MYT1L: variants seen among roughly 807,000 people sequenced by gnomAD.
MYT1L encodes the protein myelin transcription factor 1 like, also known as myelin transcription factor 1-like protein.
MYT1L carries 12 observed loss-of-function variants against 126.7 expected under a neutral mutation model. The ratio of observed to expected loss-of-function variants is 0.09; its 90% CI spans 0.06 to 0.15. The LOEUF is 0.15. MYT1L is among the 10% of genes least tolerant of loss of function. The pLI is 1.00. For missense variants in MYT1L, 979 were observed against 1,585.2 expected (o/e 0.62, Z 6.49); for synonymous variants, 541 against 604.2 (o/e 0.90, Z 1.53).
chr2:2,018,559 G>A (rs946233228), intron 4 of MYT1L, among the ~76,000 whole-genome samples: 12 of 152,322 alleles, frequency 7.9e-5, no homozygotes, highest in African/African-American at 2.6e-4. Flanking sequence ...ATTGAGGCCC[G>A]GCCAGGCCGC....
At chr2:1,797,256 T>G (rs780297586) in intron 23 of MYT1L, among the ~76,000 whole-genome samples, 33 of 152,148 alleles carry the variant, frequency 2.2e-4, no homozygotes, top group Non-Finnish European at 4.6e-4. Flanking sequence ...GTGTCCGGAC[T>G]TCTTTTTTTT....
chr2:2,107,555 T>C (rs1575204916), intron 3 of MYT1L, among the ~76,000 whole-genome samples: 1 of 152,282 alleles, frequency 6.6e-6, no homozygotes, highest in East Asian at 1.9e-4. Flanking sequence ...TCCCGAAAGG[T>C]AGGAGCTAAT....
intron 23 of MYT1L, among the ~76,000 whole-genome samples, chr2:1,800,596 T>C (rs922570185): frequency 1.3e-5 from 2 of 152,150 alleles, no homozygotes; most frequent in African/African-American, 4.8e-5. Flanking sequence ...GGGAAAACTG[T>C]GTCCAGTGGG....
chr2:2,101,881 T>C (rs2078138308), intron 3 of MYT1L, among the ~76,000 whole-genome samples: 1 of 152,256 alleles, frequency 6.6e-6, no homozygotes. Flanking sequence ...CGGCTATTAC[T>C]GTTTTACCTT....
intron 2 of MYT1L, among the ~76,000 whole-genome samples, chr2:2,186,721 A>G (rs2092237429): frequency 6.6e-6 from 1 of 152,256 alleles, no homozygotes; most frequent in Non-Finnish European, 1.5e-5. Flanking sequence ...GCATCGCAGA[A>G]TCAAAAATCT....
chr2:2,103,088 A>C (rs1392320194), intron 3 of MYT1L, among the ~76,000 whole-genome samples: 2 of 152,098 alleles, frequency 1.3e-5, no homozygotes, highest in African/African-American at 2.4e-5. Flanking sequence ...GAGGAGGTTG[A>C]GAAAATTCCT....
At chr2:2,204,158 C>T (rs575735917) in intron 2 of MYT1L, among the ~76,000 whole-genome samples, 18 of 152,266 alleles carry the variant, frequency 1.2e-4, no homozygotes, top group African/African-American at 4.3e-4. Context: ...CATAAAAACC[C>T]TAGAAGAAAA....
chr2:2,136,399 A>G (rs977327472), intron 3 of MYT1L, among the ~76,000 whole-genome samples: 1 of 152,172 alleles, frequency 6.6e-6, no homozygotes, highest in Non-Finnish European at 1.5e-5. Flanking sequence ...AAACTGTTAA[A>G]TTCTTCAAAC....
At chr2:2,216,379 A>G (rs2093676927) in intron 2 of MYT1L, among the ~76,000 whole-genome samples, 1 of 152,180 alleles carries the variant, frequency 6.6e-6, no homozygotes, top group African/African-American at 2.4e-5. Context: ...ACCCCCAAAT[A>G]TTTGGAAATT....
At chr2:1,799,750 C>T (rs2034483131) in intron 23 of MYT1L, among the ~76,000 whole-genome samples, 1 of 152,178 alleles carries the variant, frequency 6.6e-6, no homozygotes, top group African/African-American at 2.4e-5. Flanking sequence ...GTGTCCCCAC[C>T]CAAATCTCAC....
intron 18 of MYT1L, among the ~76,000 whole-genome samples, chr2:1,882,084 C>T (rs982106228): frequency 1.3e-5 from 2 of 152,188 alleles, no homozygotes; most frequent in African/African-American, 2.4e-5. Context: ...ACCCCTTCCC[C>T]GCTTTCCTCA....
At position 1,922,386 on chromosome 2, in the gene MYT1L, A is replaced by G; in HGVS notation, c.1383T>C (p.Asn461=). The change falls in exon 10 of 25, where the codon AAT becomes AAC. Residue 461 remains asparagine, a synonymous_variant. Transcript: ENST00000647738. The surrounding 1 kb of genome is among the most constrained non-coding windows in gnomAD (Gnocchi z 7.4). ...KMAMEAGRRD[N]MRSYEDQSPR... is the part of the protein sequence containing the mutation. ...GAGACTGGTCCTCATATGACCTCAT[A>G]TTGTCCCTCCTCCCAGCTTCCATGG... 6.2e-7 allele frequency: 1 copy of G among 1,613,744 alleles called. No individual in the cohort carries two copies. Among genetic ancestry groups the G allele is most frequent in the Non-Finnish European group, 8.5e-7 (1 of 1,179,854 alleles).
intron 18 of MYT1L, among the ~76,000 whole-genome samples, chr2:1,859,660 A>C (rs2044326764): frequency 6.6e-6 from 1 of 152,192 alleles, no homozygotes; most frequent in Non-Finnish European, 1.5e-5. Context: ...AGATGGTATC[A>C]CCCGCTGACA....
chr2:1,911,964 A>C, intron 12 of MYT1L, 56 bp downstream of exon 12: 1 of 1,359,786 alleles, frequency 7.4e-7, no homozygotes, highest in South Asian at 1.5e-5. Flanking sequence ...AGGAAGGAGA[A>C]GGCATGGAGA....
intron 9 of MYT1L, among the ~76,000 whole-genome samples, chr2:1,924,379 G>T (rs1400772432): frequency 6.6e-6 from 1 of 152,108 alleles, no homozygotes; most frequent in Non-Finnish European, 1.5e-5. Context: ...TTGGTTAACT[G>T]CATGCCATTT....
intron 3 of MYT1L, among the ~76,000 whole-genome samples, chr2:2,098,042 T>G (rs929283336): frequency 6.6e-6 from 1 of 152,198 alleles, no homozygotes; most frequent in Non-Finnish European, 1.5e-5. Flanking sequence ...TCCACCATGA[T>G]TGGAAGCTTC....
chr2:1,893,593 A>G (rs2049196854), intron 14 of MYT1L, among the ~76,000 whole-genome samples: 2 of 152,176 alleles, frequency 1.3e-5, no homozygotes, highest in South Asian at 4.1e-4. Context: ...GTCTGTTGCT[A>G]CAAGGAAAGG....
intron 2 of MYT1L, among the ~76,000 whole-genome samples, chr2:2,272,465 A>C (rs565977864): frequency 9.8e-5 from 15 of 152,340 alleles, no homozygotes; most frequent in African/African-American, 3.1e-4. Context: ...TTTGCTTAAA[A>C]AAAGTAATGG....
At chr2:2,098,268 T>C (rs1176874512) in intron 3 of MYT1L, among the ~76,000 whole-genome samples, 1 of 152,192 alleles carries the variant, frequency 6.6e-6, no homozygotes, top group Admixed American at 6.5e-5. Context: ...TAAGTCAACT[T>C]AGTTTTCAGG....
Sources: allele counts gnomAD v4.1 joint callset (sites outside exome capture counted in the v4.1 genomes callset), GRCh38; gene constraint gnomAD v4.1.1; non-coding constraint Gnocchi (gnomAD v3.1); transcripts MANE v1.5; gene names NCBI Gene and HGNC (gene_info 2026-07-23, HGNC 2026-07-21).